Variants in MAL observed in about 807,000 individuals in gnomAD.
MAL encodes myelin and lymphocyte protein.
Under a neutral mutation model 16.7 loss-of-function variants are expected in MAL, and 5 were observed. That is an observed-to-expected ratio of 0.30 (90% CI 0.16 to 0.63). The LOEUF is 0.63. Among genes scored for constraint, MAL ranks in the 30% least tolerant of loss-of-function variants. The probability of loss-of-function intolerance (pLI) is 0.82; values close to 1 mark genes in which losing one functional copy is unlikely to be tolerated. For synonymous variants in MAL, 96 were observed against 85.5 expected, an observed-to-expected ratio of 1.12 and a Z score of -0.67; for missense variants, 202 against 195.8, an observed-to-expected ratio of 1.03 and a Z score of -0.19.
intron 1 of MAL, among the ~76,000 whole-genome samples, chr2:95,029,486 A>G (rs969999993): frequency 3.9e-5 from 6 of 152,264 alleles, no homozygotes; most frequent in African/African-American, 1.4e-4. Context: ...TCTTCTGTTA[A>G]TAGACACTTT....
rs375112234 is a variant in MAL at position 95,048,905 on chromosome 2, C to T, written c.262-676C>T. Among the ~76,000 whole-genome samples the T allele has an allele frequency of 6.6e-5, 10 of 152,326 alleles. No homozygotes were observed. In the East Asian group the frequency reaches 1.2e-3, roughly 18 times the overall value. On this transcript the variant is annotated intron_variant, in intron 2 of 3. Coordinates refer to ENST00000309988, the MANE Select transcript of MAL (RefSeq NM_002371.4). The stretch of plus-strand genomic sequence containing the variant: ...AATCTCATCTCACTGCAGCCTCAAC[C>T]TCCCAGGCTCAAGTGATCGTCCTGC...
chr2:95,041,929 C>T (rs1410184546), intron 1 of MAL, among the ~76,000 whole-genome samples: 1 of 152,040 alleles, frequency 6.6e-6, no homozygotes, highest in Non-Finnish European at 1.5e-5. Flanking sequence ...ACTCTGCTAA[C>T]CCCCCGACAA....
intron 1 of MAL, among the ~76,000 whole-genome samples, chr2:95,028,424 C>T (rs1673999597): frequency 6.6e-6 from 1 of 152,120 alleles, no homozygotes; most frequent in Non-Finnish European, 1.5e-5. Flanking sequence ...ATCCAAAAAA[C>T]GGAAAACATC....
At chr2:95,047,846 C>T (rs573032397) in intron 1 of MAL, 113 bp from the exon 2 acceptor site, 2 of 1,028,630 alleles carry the variant, frequency 1.9e-6, no homozygotes, top group East Asian at 2.6e-5. Flanking sequence ...GTTCTCTTTG[C>T]CTGCTTCCTG....
intron 1 of MAL, among the ~76,000 whole-genome samples, chr2:95,047,404 TA>T (rs1377647009): frequency 6.6e-6 from 1 of 152,114 alleles, no homozygotes; most frequent in African/African-American, 2.4e-5. Flanking sequence ...GTTTGTTAAA[TA>T]AAAAAATTAA....
chr2:95,027,562 G>A (rs1343100994), intron 1 of MAL, among the ~76,000 whole-genome samples: 3 of 152,184 alleles, frequency 2.0e-5, no homozygotes, highest in Non-Finnish European at 4.4e-5. Flanking sequence ...CAGGTGCCTG[G>A]GAGAGAAGAG....
rs1265983336 is a variant in MAL, at chr2:95,025,878, T to C, written c.86T>C (p.Phe29Ser). The change falls in exon 1 of 4, where the codon TTT becomes TCT. Residue 29 changes from phenylalanine (F) to serine (S), a missense_variant. By Grantham distance (155) the Phe-to-Ser change is radical. Coordinates refer to ENST00000309988, the MANE Select transcript of MAL (RefSeq NM_002371.4). The surrounding 1 kb of genome is among the most constrained non-coding windows in gnomAD (Gnocchi z 5.6). ...ACCTTGCCCGACTTGCTCTTCATCT[T>C]TGAGTTTGTGAGTGGCTCCTGGCCG... ...FTTLPDLLFI[F>S]EFIFGGLVWI... 1.9e-6 allele frequency: 3 copies of C among 1,565,054 alleles called. No individual in the cohort carries two copies. The highest frequency in any genetic ancestry group is 2.6e-6 in the Non-Finnish European group (3 of 1,155,780).
chr2:95,039,436 CTGAGTGAGTGAG>C (rs551292618), intron 1 of MAL, among the ~76,000 whole-genome samples: 3 of 92,766 alleles, frequency 3.2e-5, no homozygotes, highest in Non-Finnish European at 6.6e-5. Flanking sequence ...GACTGAGTGA[CTGAGTGAGTGAG>C]TGAGTGAGTG....
rs866077027 is a variant in MAL at position 95,025,842 on chromosome 2, C to G, written c.50C>G (p.Ser17Trp). The G allele has an allele frequency of 2.2e-5, 35 of 1,578,864 alleles. No homozygotes were observed. Among genetic ancestry groups the G allele is most frequent in the Non-Finnish European group, 2.5e-5 (29 of 1,163,398 alleles). ...GGCAGCACCCTGCCCAGTGGCTTCT[C>G]GGTCTTCACCACCTTGCCCGACTTG... Reference protein sequence around the residue: ...TGGSTLPSGFSVFTTLPDLLF... With the variant: ...TGGSTLPSGFWVFTTLPDLLF... The change falls in exon 1 of 4, where the codon TCG (serine) becomes TGG (tryptophan). Residue 17 changes from serine to tryptophan, a missense_variant. Coordinates refer to ENST00000309988, the MANE Select transcript of MAL (RefSeq NM_002371.4). The surrounding 1 kb of genome is among the most constrained non-coding windows in gnomAD (Gnocchi z 5.6).
intron 1 of MAL, among the ~76,000 whole-genome samples, chr2:95,036,258 T>C (rs1341412439): frequency 6.6e-6 from 1 of 152,158 alleles, no homozygotes; most frequent in Non-Finnish European, 1.5e-5. Flanking sequence ...GCCTTTTCAG[T>C]TGATGCAGGG....
intron 1 of MAL, among the ~76,000 whole-genome samples, chr2:95,030,943 C>T (rs1674063331): frequency 6.6e-6 from 1 of 152,204 alleles, no homozygotes; most frequent in African/African-American, 2.4e-5. Flanking sequence ...TAGATTTCTA[C>T]CTGGCTGGGG....
rs1004709043 is a variant in MAL at position 95,053,601 on chromosome 2, G to A, written c.*146G>A. On this transcript the variant is annotated 3_prime_UTR_variant, in exon 4 of 4. Coordinates refer to ENST00000309988, the MANE Select transcript of MAL (RefSeq NM_002371.4). ...CCCACTGCCCAAAAAAAAAAGCCCTGCCCTGTTGCTCGTGGGTGCTGTGTT... is the reference window on the plus strand; with the variant it reads ...CCCACTGCCCAAAAAAAAAAGCCCTACCCTGTTGCTCGTGGGTGCTGTGTT... The A allele has an allele frequency of 1.2e-5, 8 of 653,312 alleles. No individual in the cohort carries two copies. The highest frequency in any genetic ancestry group is 2.1e-5 in the Non-Finnish European group (8 of 379,308). The allele number at this position is 653,312 out of a possible 1,614,324, so 40.5% of individuals were successfully genotyped here.
At chr2:95,050,582 A>G (rs957001933) in intron 3 of MAL, among the ~76,000 whole-genome samples, 12 of 152,290 alleles carry the variant, frequency 7.9e-5, no homozygotes, top group African/African-American at 2.6e-4. Flanking sequence ...ACCCACAGAT[A>G]GGCTTTAGAA....
In MAL at chr2:95,025,760, G is replaced by T; in HGVS notation, c.-33G>T. ...TCTGCGCGGAGTCTGAGCGGCGCTC[G>T]TCCCGTCCCAAGGCCGACGCCAGCA... On this transcript the variant is annotated 5_prime_UTR_variant, in exon 1 of 4. Coordinates refer to ENST00000309988, the MANE Select transcript of MAL (RefSeq NM_002371.4). The surrounding 1 kb of genome is among the most constrained non-coding windows in gnomAD (Gnocchi z 5.6). The T allele has an allele frequency of 2.0e-6, 3 of 1,468,250 alleles. No individual in the cohort carries two copies. The highest frequency in any genetic ancestry group is 2.7e-5 in the East Asian group (1 of 36,546). 91.0% of individuals were successfully genotyped at this position (1,468,250 alleles called of 1,614,324 possible).
chr2:95,040,554 T>C (rs1297992560), intron 1 of MAL, among the ~76,000 whole-genome samples: 1 of 152,162 alleles, frequency 6.6e-6, no homozygotes, highest in East Asian at 1.9e-4. Flanking sequence ...TCTGGTCAGA[T>C]GACCTACACA....
rs139621459 is a variant in MAL at position 95,053,425 on chromosome 2, G to A, written c.432G>A (p.Val144=). 275 of 1,613,700 alleles carry A rather than the reference G, an allele frequency of 1.7e-4. No homozygotes were observed. The highest frequency in any genetic ancestry group is 2.2e-4 in the Non-Finnish European group (259 of 1,179,688). ...IATLLYVVHA[V]FSLIRWKSS is the part of the protein sequence containing the mutation. The stretch of plus-strand genomic sequence containing the variant: ...CTCTGCTCTACGTGGTCCATGCGGT[G>A]TTCTCTTTAATCAGATGGAAGTCTT... Residue 144 remains valine (V), a synonymous_variant, in exon 4 of 4, where the codon GTG becomes GTA. Coordinates refer to ENST00000309988, the MANE Select transcript of MAL (RefSeq NM_002371.4).
Position 95,025,769 on chromosome 2 carries a change from C to A in MAL, c.-24C>A. The A allele has an allele frequency of 6.6e-7, 1 of 1,511,024 alleles. No homozygotes were observed. Among genetic ancestry groups the A allele is most frequent in the Non-Finnish European group, 8.9e-7 (1 of 1,124,346 alleles). 93.6% of individuals were successfully genotyped at this position (1,511,024 alleles called of 1,614,324 possible). ...AGTCTGAGCGGCGCTCGTCCCGTCC[C>A]AAGGCCGACGCCAGCACGCCGTCAT... On this transcript the variant is annotated 5_prime_UTR_variant, in exon 1 of 4. Transcript: ENST00000309988. The surrounding 1 kb of genome is among the most constrained non-coding windows in gnomAD (Gnocchi z 5.6).
At chr2:95,034,199 C>T (rs537407358) in intron 1 of MAL, among the ~76,000 whole-genome samples, 3 of 152,144 alleles carry the variant, frequency 2.0e-5, no homozygotes, top group Non-Finnish European at 4.4e-5. Context: ...CTGGAGTCAC[C>T]GAGTCCTGCA....
chr2:95,033,933 G>A (rs912383903), intron 1 of MAL, among the ~76,000 whole-genome samples: 1 of 152,216 alleles, frequency 6.6e-6, no homozygotes, highest in African/African-American at 2.4e-5. Flanking sequence ...CTCAGTTTCT[G>A]CATCAGTAAA....
Sources: gnomAD v4.1 joint callset for allele counts (sites outside exome capture counted in the v4.1 genomes callset) on GRCh38, gnomAD v4.1.1 for gene constraint, Gnocchi (gnomAD v3.1) non-coding constraint, MANE v1.5 for transcripts, NCBI Gene and HGNC (gene_info 2026-07-23, HGNC 2026-07-21) for gene names.